The following PSD2 variants were observed in gnomAD, a reference collection of about 807,000 sequenced individuals.
PSD2 encodes the protein PH and SEC7 domain-containing protein 2.
A neutral mutation model predicts 69.8 loss-of-function variants in PSD2; 38 were observed. The observed-to-expected ratio is 0.54, with a 90% CI of 0.42 to 0.71. The LOEUF (loss-of-function observed/expected upper bound fraction) is 0.71. Ranked by LOEUF, PSD2 falls within the 30% of genes least tolerant of loss-of-function variation. The pLI is 0.00. For synonymous variants in PSD2, 412 were observed against 423.0 expected, an observed-to-expected ratio of 0.97 and a Z score of 0.32; for missense variants, 943 against 1,014.5, an observed-to-expected ratio of 0.93 and a Z score of 0.96.
intron 6 of PSD2, 30 bp downstream of exon 6, chr5:139,822,035 C>T (rs1252313856): frequency 6.2e-6 from 9 of 1,441,006 alleles, no homozygotes; most frequent in African/African-American, 1.4e-5. Context: ...CTGCCTGACC[C>T]TCCCCACCCA....
chr5:139,820,065 G>A (rs1158623961), intron 5 of PSD2, among the ~76,000 whole-genome samples: 1 of 152,192 alleles, frequency 6.6e-6, no homozygotes, highest in Non-Finnish European at 1.5e-5. Flanking sequence ...AGAGGGGAAA[G>A]GTCGGTGTGA....
At position 139,823,116 on chromosome 5, in the gene PSD2, G is replaced by A. The variant is rs770701228; in HGVS notation, c.1269+332G>A. Among the ~76,000 whole-genome samples the A allele has an allele frequency of 5.3e-5, 8 of 152,142 alleles. No individual in the cohort carries two copies. In the East Asian group the frequency reaches 5.8e-4, roughly 11 times the overall value. On this transcript the variant is annotated intron_variant, in intron 7 of 14. Transcript: ENST00000274710. ...CTGAATGCAGCTGCATTGAAATACC[G>A]TGCTCGGGGCAGCCCCTCCCAAATC...
chr5:139,777,427 G>A, the PSD2 span, among the ~76,000 whole-genome samples: 3 of 152,222 alleles, frequency 2.0e-5, no homozygotes, highest in African/African-American at 4.8e-5. Context: ...GCTGGTGGGA[G>A]GGAGGCCTTG....
chr5:139,805,285 C>A (rs913972812), intron 1 of PSD2, among the ~76,000 whole-genome samples: 2 of 152,224 alleles, frequency 1.3e-5, no homozygotes, highest in Non-Finnish European at 2.9e-5. Context: ...AAGATTATTT[C>A]TTTGACAATC....
At chr5:139,787,231 C>G in the PSD2 span, among the ~76,000 whole-genome samples, 5 of 152,178 alleles carry the variant, frequency 3.3e-5, no homozygotes, top group African/African-American at 1.2e-4. Flanking sequence ...TGGGCATGAA[C>G]GGGGCAAACA....
chr5:139,790,436 C>T, the PSD2 span, among the ~76,000 whole-genome samples: 1 of 151,414 alleles, frequency 6.6e-6, no homozygotes, highest in Admixed American at 6.6e-5. Flanking sequence ...GGGCTGGGGT[C>T]ATCATGGGAA....
chr5:139,787,637 GC>G, the PSD2 span, among the ~76,000 whole-genome samples: 5 of 152,334 alleles, frequency 3.3e-5, no homozygotes, highest in Middle Eastern at 3.4e-3. Context: ...AGCAGGTGGC[GC>G]CCCGACCCCA....
At chr5:139,795,368 G>A (rs984970180), upstream of PSD2, among the ~76,000 whole-genome samples, 2 of 151,940 alleles carry the variant, frequency 1.3e-5, no homozygotes, top group African/African-American at 2.4e-5. This position sits in a 1 kb window ranked among gnomAD's most constrained non-coding sequence, Gnocchi z 4.5. Flanking sequence ...GGGGGCAGGG[G>A]TCACTCCCTG....
intron 4 of PSD2, among the ~76,000 whole-genome samples, chr5:139,817,101 G>C (rs1478230808): frequency 6.6e-6 from 1 of 152,172 alleles, no homozygotes; most frequent in Non-Finnish European, 1.5e-5. Context: ...ATCAAGTCCT[G>C]GTCCTTCCCC....
chr5:139,836,268 G>A (rs951928766), intron 9 of PSD2, among the ~76,000 whole-genome samples: 3 of 152,336 alleles, frequency 2.0e-5, no homozygotes, highest in Middle Eastern at 3.4e-3. Flanking sequence ...TGGGGAGACC[G>A]TGAAAGGCTC....
At chr5:139,817,619 C>A in intron 5 of PSD2, 58 bp downstream of exon 5, 1 of 1,347,626 alleles carries the variant, frequency 7.4e-7, no homozygotes, top group Non-Finnish European at 1.1e-6. Flanking sequence ...CTTCTGGATT[C>A]TCATGTCAAC....
chr5:139,775,978 G>A, the PSD2 span, among the ~76,000 whole-genome samples: 1 of 152,176 alleles, frequency 6.6e-6, no homozygotes, highest in Non-Finnish European at 1.5e-5. Flanking sequence ...CTCTTCACCT[G>A]TCTTCTGACC....
chr5:139,796,031 G>T (rs1759516273), intron 1 of PSD2, 56 bp downstream of exon 1: 1 of 127,420 alleles, frequency 7.8e-6, no homozygotes, highest in Admixed American at 8.0e-5. Flanking sequence ...GGCCAGGCCG[G>T]GGCGGGACGG....
In PSD2 at chr5:139,814,930, G is replaced by A. The variant is rs1463527837; in HGVS notation, c.1016+566G>A. On this transcript the variant is annotated intron_variant, in intron 4 of 14. Coordinates refer to ENST00000274710, the MANE Select transcript of PSD2 (RefSeq NM_032289.4). This position sits in a 1 kb window ranked among gnomAD's most constrained non-coding sequence, Gnocchi z 4.4. Reference sequence around the variant, plus strand: ...ATTGCAGGACCGAGGAAGTCTGCCGGCACATTCTGCTCACATCTGACCACC... The same window carrying A: ...ATTGCAGGACCGAGGAAGTCTGCCGACACATTCTGCTCACATCTGACCACC... Among the ~76,000 whole-genome samples the A allele has an allele frequency of 6.6e-6, 1 of 152,148 alleles. No homozygotes were observed. Among genetic ancestry groups the A allele is most frequent in the South Asian group, 2.1e-4 (1 of 4,832 alleles).
intron 7 of PSD2, among the ~76,000 whole-genome samples, chr5:139,824,626 G>A (rs941992094): frequency 2.0e-5 from 3 of 152,114 alleles, no homozygotes; most frequent in South Asian, 2.1e-4. Context: ...GATTAGGAGC[G>A]CAGGCTCTGA....
At chr5:139,804,469 C>A (rs1759747839) in intron 1 of PSD2, among the ~76,000 whole-genome samples, 1 of 152,268 alleles carries the variant, frequency 6.6e-6, no homozygotes. Context: ...GTGAGATTTC[C>A]AGGGCAGGAT....
the PSD2 span, among the ~76,000 whole-genome samples, chr5:139,765,286 AG>A: frequency 6.6e-6 from 1 of 151,942 alleles, no homozygotes; most frequent in African/African-American, 2.4e-5. Context: ...ACATGCACTC[AG>A]GGCCCCCGTT....
the PSD2 span, among the ~76,000 whole-genome samples, chr5:139,790,506 GA>G: frequency 2.0e-5 from 3 of 152,152 alleles, no homozygotes; most frequent in Admixed American, 1.3e-4. Context: ...GGAGGTCAGA[GA>G]GGGGCGGAGA....
the PSD2 span, among the ~76,000 whole-genome samples, chr5:139,776,343 G>A: frequency 6.6e-6 from 1 of 152,244 alleles, no homozygotes; most frequent in Non-Finnish European, 1.5e-5. Flanking sequence ...TGGCAGTTTG[G>A]CCTGCCCTGG....
Sources: gnomAD v4.1 joint callset for allele counts (sites outside exome capture counted in the v4.1 genomes callset) on GRCh38, gnomAD v4.1.1 for gene constraint, Gnocchi (gnomAD v3.1) non-coding constraint, MANE v1.5 for transcripts, NCBI Gene and HGNC (gene_info 2026-07-23, HGNC 2026-07-21) for gene names.